Variants in GPR179 observed in about 807,000 individuals in gnomAD.
GPR179 encodes G protein-coupled receptor 179, also known as probable G protein-coupled receptor 179.
In GPR179, 52 loss-of-function variants were observed where a neutral mutation model predicts 70.8. The observed-to-expected ratio is 0.73, with a 90% CI of 0.59 to 0.93. The LOEUF is 0.93. Among genes scored for constraint, GPR179 ranks in the 40% least tolerant of loss-of-function variants. The pLI is 0.00. For missense variants in GPR179, 2,734 were observed against 2,966.8 expected (o/e 0.92, Z 1.82); for synonymous variants, 1,123 against 1,169.0 (o/e 0.96, Z 0.80).
chr17:38,336,795 C>T (rs2037407228), intron 4 of GPR179, among the ~76,000 whole-genome samples, 183 bp downstream of exon 4: 1 of 152,184 alleles, frequency 6.6e-6, no homozygotes, highest in African/African-American at 2.4e-5. Context: ...AGTTCAATGC[C>T]CTTATTTTAC....
Position 38,326,414 on chromosome 17 carries a change from G to A in GPR179, c.*51C>T. 7.2e-7 allele frequency: 1 copy of A among 1,381,464 alleles called. No homozygotes were observed. Among genetic ancestry groups the A allele is most frequent in the Non-Finnish European group, 1.0e-6 (1 of 1,002,020 alleles). The allele number at this position is 1,381,464 out of a possible 1,614,324, so 85.6% of individuals were successfully genotyped here. The stretch of plus-strand genomic sequence containing the variant: ...TTGGGAACACCTGGACTTGGAAAGG[G>A]CCTTGGCTCCTGAAAGCTAGCTCTG... On this transcript the variant is annotated 3_prime_UTR_variant, in exon 11 of 11. Transcript: ENST00000616987.
chr17:38,334,622 T>C lies in GPR179; in HGVS notation c.1784+82A>G, dbSNP rs895015479. On this transcript the variant is annotated intron_variant, in intron 8 of 10. Transcript: ENST00000616987. This position sits in a 1 kb window ranked among gnomAD's most constrained non-coding sequence, Gnocchi z 4.7. ...GCGTAGCAGTGTTGCCAGGATGGCA[T>C]GGGATGGGGGCACCTCACCTGGGAG... 78 of 1,469,164 alleles carry C rather than the reference T, an allele frequency of 5.3e-5. No individual in the cohort carries two copies. The highest frequency in any genetic ancestry group is 6.9e-5 in the Non-Finnish European group (74 of 1,079,652). The allele number at this position is 1,469,164 out of a possible 1,614,324, so 91.0% of individuals were successfully genotyped here.
rs532585203 is a variant in GPR179 at position 38,325,821 on chromosome 17, A to C, written c.*644T>G. On this transcript the variant is annotated 3_prime_UTR_variant, in exon 11 of 11. Transcript: ENST00000616987. The stretch of plus-strand genomic sequence containing the variant: ...ATTGTTTCTGCTTCAGCAGTCAAGC[A>C]GGGCAGGTATGAGAAGCAATAAAGC... The C allele has an allele frequency of 6.6e-6, 1 of 152,406 alleles. No homozygotes were observed. Among genetic ancestry groups the C allele is most frequent in the East Asian group, 1.9e-4 (1 of 5,184 alleles). 9.4% of individuals were successfully genotyped at this position (152,406 alleles called of 1,614,324 possible).
In GPR179 at chr17:38,342,898, CAT is replaced by C. The variant is rs577559036; in HGVS notation, c.794+96_794+97del. On this transcript the variant is annotated intron_variant, in intron 1 of 10. Transcript: ENST00000616987. Reference sequence around the variant, plus strand: ...CATCTGTGTGCCCCCCAGGCATGCACATGTTCGTGCCAAATGGCCCAGGCACA... The same window carrying C: ...CATCTGTGTGCCCCCCAGGCATGCACGTTCGTGCCAAATGGCCCAGGCACA... 250 of 1,191,286 alleles carry C rather than the reference CAT, an allele frequency of 2.1e-4. 1 individual carries two copies. The African/African-American group carries it at 3.6e-3, about 17-fold the overall frequency. 73.8% of individuals were successfully genotyped at this position (1,191,286 alleles called of 1,614,324 possible). A position where few individuals can be genotyped will look rare whatever the true frequency, so the allele number is the denominator to read the frequency against.
rs1051192998 is a variant in GPR179, at chr17:38,335,204, G to C, written c.1474C>G (p.Arg492Gly). ...SALLSSGRLL[R>G]HLGLLLLPVL... ...GGTAGCAGGAGCAGCCCCAGGTGCC[G>C]CAGCAGCCGCCCGCTGCTCAGAAGG... The change falls in exon 7 of 11, where the codon CGG becomes GGG. Residue 492 changes from arginine (R) to glycine (G), a missense_variant. By Grantham distance (125) the Arg-to-Gly change is moderately radical. Transcript: ENST00000616987. The C allele has an allele frequency of 2.6e-6, 4 of 1,556,844 alleles. No homozygotes were observed. In the Admixed American group the frequency reaches 7.8e-5, roughly 30 times the overall value.
chr17:38,339,457 C>T lies in GPR179; in HGVS notation c.863G>A (p.Trp288Ter). The change falls in exon 2 of 11, where the codon TGG becomes TAG. Residue 288 changes from tryptophan (W) to a stop codon, truncating the protein, a stop_gained. Transcript: ENST00000616987. LOFTEE classifies it high-confidence loss of function. Reference protein sequence around the residue: ...DINQCASGPGWYSNTHLCDLN... With the variant: ...DINQCASGPG ...ATCACACAGGTGTGTGTTAGAGTAC[C>T]AGCCTGGGCCACTTGCACACTGATT... 6.2e-7 allele frequency: 1 copy of T among 1,613,910 alleles called. No homozygotes were observed. Among genetic ancestry groups the T allele is most frequent in the Non-Finnish European group, 8.5e-7 (1 of 1,179,844 alleles).
At chr17:38,337,867 T>A (rs72832279) in intron 2 of GPR179, 147 bp from the exon 3 acceptor site, 23,993 of 675,904 alleles carry the variant, frequency 0.035, 635 homozygotes, top group Middle Eastern at 0.17. Flanking sequence ...CCCTCTCTAG[T>A]CCTTGGGAAG....
In GPR179 at chr17:38,331,187, C is replaced by T. The variant is rs2037355393; in HGVS notation, c.2382G>A (p.Leu794=). 1.2e-6 allele frequency: 2 copies of T among 1,608,494 alleles called. No individual in the cohort carries two copies. The highest frequency in any genetic ancestry group is 2.2e-5 in the East Asian group (1 of 44,782). The part of the protein sequence containing the change: ...PLLDSLLRRK[L]AKKASRTESR... ...TCTCTGTTCGAGAGGCCTTCTTGGCCAGCTTCCTCCTCAGCAGTGAGTCAA... is the reference window on the plus strand; with the variant it reads ...TCTCTGTTCGAGAGGCCTTCTTGGCTAGCTTCCTCCTCAGCAGTGAGTCAA... Residue 794 remains leucine (L), a synonymous_variant, in exon 11 of 11, where the codon CTG becomes CTA. Coordinates refer to ENST00000616987, the MANE Select transcript of GPR179 (RefSeq NM_001004334.4).
Position 38,336,128 on chromosome 17 carries a change from C to T in GPR179, c.1244G>A (p.Gly415Glu). Residue 415 changes from glycine to glutamate, a missense_variant, in exon 5 of 11, where the codon GGA becomes GAA. By Grantham distance (98) the Gly-to-Glu change is moderately conservative. Transcript: ENST00000616987. ...AAGGACAGTTTCCAGCAGGACCACTCCAGATGCCCAGATCCTCTGTGAAGC... is the reference window on the plus strand; with the variant it reads ...AAGGACAGTTTCCAGCAGGACCACTTCAGATGCCCAGATCCTCTGTGAAGC... ...CRRNKRIWAS[G>E]VVLLETVLFG... 2.5e-6 allele frequency: 4 copies of T among 1,611,912 alleles called. No individual in the cohort carries two copies. The highest frequency in any genetic ancestry group is 3.4e-6 in the Non-Finnish European group (4 of 1,177,988).
In GPR179 at chr17:38,328,442, C is replaced by T. The variant is rs571294116; in HGVS notation, c.5127G>A (p.Val1709=). Residue 1709 remains valine (V), a synonymous_variant, in exon 11 of 11, where the codon GTG becomes GTA. Coordinates refer to ENST00000616987, the MANE Select transcript of GPR179 (RefSeq NM_001004334.4). ...CCCTTTCCTCCCCTGCTCCAGCACCCACCTCCCAGGGACAGATTTCTGCCT... is the reference window on the plus strand; with the variant it reads ...CCCTTTCCTCCCCTGCTCCAGCACCTACCTCCCAGGGACAGATTTCTGCCT... ...AGKAEICPWE[V]GAGAGEERAL... is the part of the protein sequence containing the mutation. The T allele has an allele frequency of 1.9e-5, 31 of 1,611,058 alleles. 1 individual carries two copies. The South Asian group carries it at 3.0e-4, about 15-fold the overall frequency.
chr17:38,342,234 C>T (rs2037454799), intron 1 of GPR179, among the ~76,000 whole-genome samples: 2 of 152,124 alleles, frequency 1.3e-5, no homozygotes, highest in African/African-American at 4.8e-5. Flanking sequence ...AAGCCTGGTG[C>T]ATAGATTGTC....
rs149352090 is a variant in GPR179 at position 38,332,207 on chromosome 17, CAG to C, written c.2038-678_2038-677del. On this transcript the variant is annotated intron_variant, in intron 10 of 10. Transcript: ENST00000616987. ...AGAGGCACTGGAACAAGGAAGGACT[CAG>C]GAGATGCAGAGGACTCTGCTTTGTG... is the stretch of plus-strand genomic sequence containing the variant. 1.3e-3 allele frequency among the ~76,000 whole-genome samples: 194 copies of C among 152,230 alleles called. 4 individuals are homozygous for C. The East Asian group carries it at 0.027, about 22-fold the overall frequency.
chr17:38,329,231 T>A lies in GPR179; in HGVS notation c.4338A>T (p.Pro1446=). ...AACTCCCTGAACACTCTGAGCTTCC[T>A]GGGGCCTGAATTGAGACTGCTGAGG... ...RGPSAVSIQA[P]GSSECSGSLG... The change falls in exon 11 of 11, where the codon CCA becomes CCT. Residue 1446 remains proline (P), a synonymous_variant. Coordinates refer to ENST00000616987, the MANE Select transcript of GPR179 (RefSeq NM_001004334.4). 6.2e-7 allele frequency: 1 copy of A among 1,613,920 alleles called. No individual in the cohort carries two copies.
chr17:38,330,519 C>T lies in GPR179; in HGVS notation c.3050G>A (p.Arg1017Gln), dbSNP rs756820312. Residue 1017 changes from arginine (R) to glutamine (Q), a missense_variant, in exon 11 of 11, where the codon CGA becomes CAA. Physicochemically the swap from Arg to Gln is conservative, Grantham distance 43. Transcript: ENST00000616987. The part of the protein sequence containing the change: ...VPQEGPSGPE[R>Q]GHHSPAPARA... ...AGCTGGGGCAGGGGAGTGGTGGCCTCGCTCTGGCCCTGAGGGGCCTTCCTG... is the reference window on the plus strand; with the variant it reads ...AGCTGGGGCAGGGGAGTGGTGGCCTTGCTCTGGCCCTGAGGGGCCTTCCTG... 28 of 1,555,114 alleles carry T rather than the reference C, an allele frequency of 1.8e-5. No individual in the cohort carries two copies. Among genetic ancestry groups the T allele is most frequent in the Admixed American group, 9.7e-5 (5 of 51,476 alleles).
rs1459630721 is a variant in GPR179, at chr17:38,331,100, C to T, written c.2469G>A (p.Leu823=). Residue 823 remains leucine, a synonymous_variant, in exon 11 of 11, where the codon CTG becomes CTA. Transcript: ENST00000616987. The stretch of plus-strand genomic sequence containing the variant: ...CTCTGGGTAGCCTCTCTCCCACCGT[C>T]AGGTTGTGGGCGCTGGCTGACCTGA... The part of the protein sequence containing the change: ...LGFRSASAHN[L]TVGERLPRAR... 1 of 1,602,062 alleles carries T rather than the reference C, an allele frequency of 6.2e-7. No individual in the cohort carries two copies. The highest frequency in any genetic ancestry group is 8.5e-7 in the Non-Finnish European group (1 of 1,179,506).
Position 38,330,241 on chromosome 17 carries a change from T to C in GPR179, c.3328A>G (p.Ser1110Gly), listed in dbSNP as rs978892713. ...TYREKESVEE[S>G]PEGQNSGTAG... ...GTCCCGCTGTTCTGCCCCTCGGGAC[T>C]CTCCTCCACACTCTCCTTCTCTCTG... Residue 1110 changes from serine (S) to glycine (G), a missense_variant, in exon 11 of 11, where the codon AGT becomes GGT. Ser to Gly is a moderately conservative substitution (Grantham distance 56). Coordinates refer to ENST00000616987, the MANE Select transcript of GPR179 (RefSeq NM_001004334.4). 41 of 1,581,696 alleles carry C rather than the reference T, an allele frequency of 2.6e-5. No homozygotes were observed. The highest frequency in any genetic ancestry group is 3.5e-5 in the Non-Finnish European group (41 of 1,161,928).
rs1168045556 is a variant in GPR179 at position 38,329,985 on chromosome 17, GCT to G, written c.3582_3583del (p.Arg1194SerfsTer3). On this transcript the variant is annotated frameshift_variant, in exon 11 of 11. Coordinates refer to ENST00000616987, the MANE Select transcript of GPR179 (RefSeq NM_001004334.4). LOFTEE classifies it low-confidence loss of function (END_TRUNC). ...CAGCATGGCAAGCCCTGTTTTACCT[GCT>G]CTCTCAGCTTTCCGTTCCCCTAGAC... 6.2e-7 allele frequency: 1 copy of G among 1,614,090 alleles called. No homozygotes were observed. The highest frequency in any genetic ancestry group is 8.5e-7 in the Non-Finnish European group (1 of 1,180,056).
chr17:38,343,892 C>G lies in GPR179; in HGVS notation c.-103G>C, dbSNP rs1210435753. 11 of 942,588 alleles carry G rather than the reference C, an allele frequency of 1.2e-5. 1 individual carries two copies. The highest frequency in any genetic ancestry group is 1.7e-5 in the Non-Finnish European group (11 of 652,748). 58.4% of individuals were successfully genotyped at this position (942,588 alleles called of 1,614,324 possible). A position where few individuals can be genotyped will look rare whatever the true frequency, so the allele number is the denominator to read the frequency against. Reference sequence around the variant, plus strand: ...TCGGCCTCCACGCCTCCTATGCTGGCGTTCCTTCTTCCTCTCTCCGTCTCC... The same window carrying G: ...TCGGCCTCCACGCCTCCTATGCTGGGGTTCCTTCTTCCTCTCTCCGTCTCC... On this transcript the variant is annotated 5_prime_UTR_variant, in exon 1 of 11. Coordinates refer to ENST00000616987, the MANE Select transcript of GPR179 (RefSeq NM_001004334.4). The surrounding 1 kb of genome is among the most constrained non-coding windows in gnomAD (Gnocchi z 4.2).
At position 38,333,231 on chromosome 17, in the gene GPR179, G is replaced by A. The variant is rs756546617; in HGVS notation, c.2037+20C>T. ...TCCTAAAAGCTAGCATTGAAAGGAG[G>A]CAGGGAGGGTGGCACATACCCGAAT... On this transcript the variant is annotated intron_variant, in intron 10 of 10. Coordinates refer to ENST00000616987, the MANE Select transcript of GPR179 (RefSeq NM_001004334.4). The A allele has an allele frequency of 2.5e-6, 4 of 1,610,332 alleles. No individual in the cohort carries two copies. The East Asian group carries it at 8.9e-5, about 36-fold the overall frequency.
Sources: allele counts gnomAD v4.1 joint callset (sites outside exome capture counted in the v4.1 genomes callset), GRCh38; gene constraint gnomAD v4.1.1; non-coding constraint Gnocchi (gnomAD v3.1); transcripts MANE v1.5; gene names NCBI Gene and HGNC (gene_info 2026-07-23, HGNC 2026-07-21).